The following RSRP1 variants were observed in gnomAD, a reference collection of about 807,000 sequenced individuals.
RSRP1 encodes the protein arginine/serine-rich protein 1.
Under a neutral mutation model 33.0 loss-of-function variants are expected in RSRP1, and 37 were observed. The observed-to-expected ratio is 1.12, with a 90% CI of 0.86 to 1.48. The LOEUF is 1.48. Ranked by LOEUF, RSRP1 falls within the 40% of genes most tolerant of loss-of-function variation. The probability of loss-of-function intolerance (pLI) is 0.00; values close to 1 mark genes in which losing one functional copy is unlikely to be tolerated. For missense variants in RSRP1, 402 were observed against 385.3 expected (o/e 1.04, Z -0.36); for synonymous variants, 167 against 158.7 (o/e 1.05, Z -0.40).
Position 25,283,912 on chromosome 1 carries a change from G to A in RSRP1, c.-66-36883C>T, listed in dbSNP as rs582879. 3.0e-3 allele frequency among the ~76,000 whole-genome samples: 392 copies of A among 130,188 alleles called. 17 individuals carry two copies. The highest frequency in any genetic ancestry group is 9.9e-3 in the African/African-American group (342 of 34,404). 85.4% of individuals were successfully genotyped at this position (130,188 alleles called of 152,430 possible). The stretch of plus-strand genomic sequence containing the variant: ...TGGGCCCCTCCCTGCCCTCAGGTGC[G>A]TCTCTTCCACTCACCTGCCACAGCA... On this transcript the variant is annotated intron_variant, in intron 1 of 1. Transcript: ENST00000561867.
chr1:25,245,376 C>G, intron 2 of RSRP1, 75 bp from the exon 3 acceptor site: 1 of 1,471,258 alleles, frequency 6.8e-7, no homozygotes, highest in Non-Finnish European at 9.2e-7. Context: ...CAGAATTACA[C>G]AATAAATATG....
chr1:25,286,140 T>C (rs1370057251), intron 1 of RSRP1, among the ~76,000 whole-genome samples: 1 of 135,216 alleles, frequency 7.4e-6, no homozygotes, highest in Non-Finnish European at 1.8e-5. Context: ...AAACACAGTC[T>C]AGCCAGCTCC....
intron 1 of RSRP1, among the ~76,000 whole-genome samples, chr1:25,281,280 T>G (rs190685773): frequency 0.017 from 2,242 of 128,382 alleles, 176 homozygotes; most frequent in African/African-American, 0.059. Flanking sequence ...TTTCATAAAC[T>G]TTTCCTGAAG....
Position 25,245,366 on chromosome 1 carries a change from C to T in RSRP1, c.521-65G>A. On this transcript the variant is annotated intron_variant, in intron 2 of 4. Transcript: ENST00000243189. Reference sequence around the variant, plus strand: ...CTGGTAGTTATTTCCCAAGAGAACTCAGAATTACACAATAAATATGTTATT... The same window carrying T: ...CTGGTAGTTATTTCCCAAGAGAACTTAGAATTACACAATAAATATGTTATT... 4 of 1,494,822 alleles carry T rather than the reference C, an allele frequency of 2.7e-6. No homozygotes were observed. The South Asian group carries it at 3.6e-5, about 14-fold the overall frequency. The allele number at this position is 1,494,822 out of a possible 1,614,324, so 92.6% of individuals were successfully genotyped here.
chr1:25,246,616 ACGGGAC>A lies in RSRP1; in HGVS notation c.342_347del (p.Ser121_Arg122del). On this transcript the variant is annotated inframe_deletion, in exon 2 of 5. Coordinates refer to ENST00000243189, the MANE Select transcript of RSRP1 (RefSeq NM_020317.5). Reference sequence around the variant, plus strand: ...ACCTTCCCCGAGAGCGCGACCTGCTACGGGACCGGGACCGGTACCGCGAAGGAGACC... The same window carrying A: ...ACCTTCCCCGAGAGCGCGACCTGCTACGGGACCGGTACCGCGAAGGAGACC... 1 of 1,613,936 alleles carries A rather than the reference ACGGGAC, an allele frequency of 6.2e-7. No individual in the cohort carries two copies. The highest frequency in any genetic ancestry group is 8.5e-7 in the Non-Finnish European group (1 of 1,179,982).
Position 25,288,336 on chromosome 1 carries a change from C to T in RSRP1, c.-66-41307G>A, listed in dbSNP as rs1329015144. ...AGACCACAGGCACACACCACCACACCTAGCTTTTTTTTTTTTTGCTTTTTG... is the reference window on the plus strand; with the variant it reads ...AGACCACAGGCACACACCACCACACTTAGCTTTTTTTTTTTTTGCTTTTTG... On this transcript the variant is annotated intron_variant, in intron 1 of 1. Coordinates refer to the RSRP1 transcript ENST00000561867. 2.4e-5 allele frequency among the ~76,000 whole-genome samples: 3 copies of T among 127,370 alleles called. 1 individual carries two copies. In the South Asian group the frequency reaches 7.3e-4, roughly 31 times the overall value. 83.6% of individuals were successfully genotyped at this position (127,370 alleles called of 152,430 possible).
rs1478474226 is a variant in RSRP1, at chr1:25,276,705, C to A, written c.-66-29676G>T. ...CTCCAGCATGGGCGACAGAGCAAGA[C>A]CCTGTCTCAAAAAAAATAAAAATAT... On this transcript the variant is annotated intron_variant, in intron 1 of 1. Coordinates refer to the RSRP1 transcript ENST00000561867. 4.6e-5 allele frequency among the ~76,000 whole-genome samples: 6 copies of A among 129,940 alleles called. 2 individuals carry two copies. Among genetic ancestry groups the A allele is most frequent in the Admixed American group, 2.3e-4 (3 of 13,278 alleles). 85.2% of individuals were successfully genotyped at this position (129,940 alleles called of 152,430 possible).
chr1:25,304,365 G>C lies in RSRP1; in HGVS notation c.-67+33613C>G, dbSNP rs1312682428. Reference sequence around the variant, plus strand: ...AGTGGCTCACGCGCTTTGGGAGGCCGAGGCGGGCAGATGGCCTGAGGTCAG... The same window carrying C: ...AGTGGCTCACGCGCTTTGGGAGGCCCAGGCGGGCAGATGGCCTGAGGTCAG... On this transcript the variant is annotated intron_variant, in intron 1 of 1. Coordinates refer to the RSRP1 transcript ENST00000561867. The C allele has an allele frequency of 1.6e-5, 2 of 124,438 alleles. 1 individual carries two copies. Among genetic ancestry groups the C allele is most frequent in the Non-Finnish European group, 3.8e-5 (2 of 53,184 alleles). 7.7% of individuals were successfully genotyped at this position (124,438 alleles called of 1,614,324 possible). A position where few individuals can be genotyped will look rare whatever the true frequency, so the allele number is the denominator to read the frequency against.
At position 25,276,426 on chromosome 1, in the gene RSRP1, A is replaced by AG. The variant is rs1327248479; in HGVS notation, c.-66-29398_-66-29397insC. Among the ~76,000 whole-genome samples the AG allele has an allele frequency of 3.2e-5, 4 of 125,978 alleles. 1 individual carries two copies. The highest frequency in any genetic ancestry group is 7.4e-5 in the Non-Finnish European group (4 of 54,052). The allele number at this position is 125,978 out of a possible 152,430, so 82.6% of individuals were successfully genotyped here. On this transcript the variant is annotated intron_variant, in intron 1 of 1. Transcript: ENST00000561867. The stretch of plus-strand genomic sequence containing the variant: ...TCTGTAATAGTTAATTAAAAAAAAA[A>AG]AAAAACACCCTGGCTGAGCATTTAG...
Position 25,330,722 on chromosome 1 carries a change from A to C in RSRP1, c.-67+7256T>G, listed in dbSNP as rs1280596959. ...TTCCACTCAGTGACTGAAATCCTTA[A>C]GCGTTGTATTAGTCTGCTTGGGCTA... On this transcript the variant is annotated intron_variant, in intron 1 of 1. Coordinates refer to the RSRP1 transcript ENST00000561867. Among the ~76,000 whole-genome samples, 6 of 131,528 alleles carry C rather than the reference A, an allele frequency of 4.6e-5. No homozygotes were observed. In the East Asian group the frequency reaches 1.2e-3, roughly 26 times the overall value. 86.3% of individuals were successfully genotyped at this position (131,528 alleles called of 152,430 possible).
At chr1:25,251,173 G>T (rs1344650265), upstream of RSRP1, among the ~76,000 whole-genome samples, 3 of 152,210 alleles carry the variant, frequency 2.0e-5, no homozygotes, top group Middle Eastern at 3.4e-3. Context: ...ACATGGATGA[G>T]CTAGTGTTGG....
chr1:25,247,081 G>C, intron 1 of RSRP1, 52 bp from the exon 2 acceptor site: 2 of 1,146,164 alleles, frequency 1.7e-6, no homozygotes, highest in Non-Finnish European at 2.4e-6. Flanking sequence ...CCGGCGCCTG[G>C]CCACCCGGAA....
At chr1:25,305,568 CGTGT>C in intron 1 of RSRP1, among the ~76,000 whole-genome samples, 1 of 119,218 alleles carries the variant, frequency 8.4e-6, no homozygotes, top group Admixed American at 8.0e-5. Context: ...GGCTAATTTT[CGTGT>C]GTGTATGTAT....
chr1:25,292,719 A>C (rs1642621267), intron 1 of RSRP1, among the ~76,000 whole-genome samples: 1 of 126,776 alleles, frequency 7.9e-6, no homozygotes, highest in Non-Finnish European at 1.9e-5. Context: ...ACAAGTCTGA[A>C]GCTTAGTGGA....
Position 25,287,401 on chromosome 1 carries a change from C to T in RSRP1, c.-66-40372G>A, listed in dbSNP as rs1642121442. 3.7e-5 allele frequency among the ~76,000 whole-genome samples: 5 copies of T among 135,404 alleles called. 1 individual carries two copies. The highest frequency in any genetic ancestry group is 3.5e-4 in the Admixed American group (5 of 14,096). 88.8% of individuals were successfully genotyped at this position (135,404 alleles called of 152,430 possible). ...AAGTCACTCGCAGCCTGAGTGAACT[C>T]CCCTGCCCCACCCCTGACTGCTTGG... On this transcript the variant is annotated intron_variant, in intron 1 of 1. Coordinates refer to the RSRP1 transcript ENST00000561867.
intron 1 of RSRP1, chr1:25,329,237 G>GTTTTTTTT (rs71014352): frequency 5.8e-4 from 136 of 233,278 alleles, no homozygotes; most frequent in African/African-American, 1.7e-3. Context: ...ATTATTCCTT[G>GTTTTTTTT]TTTTTTTTTT....
chr1:25,245,326 A>G (rs757397063), intron 2 of RSRP1, 25 bp from the exon 3 acceptor site: 2 of 1,590,882 alleles, frequency 1.3e-6, no homozygotes, highest in East Asian at 2.2e-5. Flanking sequence ...GAGAGATTTT[A>G]AAATACTCAT....
intron 1 of RSRP1, among the ~76,000 whole-genome samples, chr1:25,316,635 A>AAG (rs1262488729): frequency 1.6e-4 from 19 of 119,512 alleles, no homozygotes; most frequent in African/African-American, 3.9e-4. Flanking sequence ...AAAAAAAAAA[A>AAG]AGAGAGAGAG....
intron 1 of RSRP1, among the ~76,000 whole-genome samples, chr1:25,276,433 A>AG (rs1640969971): frequency 8.6e-6 from 1 of 116,352 alleles, no homozygotes; most frequent in Non-Finnish European, 1.9e-5. Context: ...AAAAAAAAAC[A>AG]CCCTGGCTGA....
Sources: gnomAD v4.1 joint callset for allele counts (sites outside exome capture counted in the v4.1 genomes callset) on GRCh38, gnomAD v4.1.1 for gene constraint, MANE v1.5 for transcripts, NCBI Gene and HGNC (gene_info 2026-07-23, HGNC 2026-07-21) for gene names.